The following ZDHHC14 variants were observed in gnomAD, a reference collection of about 807,000 sequenced individuals.
ZDHHC14 encodes the protein zDHHC palmitoyltransferase 14.
A neutral mutation model predicts 47.7 loss-of-function variants in ZDHHC14; 16 were observed. The ratio of observed to expected loss-of-function variants is 0.34; its 90% CI spans 0.23 to 0.51. The LOEUF is 0.51. ZDHHC14 is among the 20% of genes least tolerant of loss of function. The probability of loss-of-function intolerance (pLI) is 0.97; values close to 1 mark genes in which losing one functional copy is unlikely to be tolerated. For missense variants in ZDHHC14, 515 were observed against 662.5 expected, an observed-to-expected ratio of 0.78 and a Z score of 2.44; for synonymous variants, 293 against 278.9, an observed-to-expected ratio of 1.05 and a Z score of -0.50.
intron 1 of ZDHHC14, among the ~76,000 whole-genome samples, chr6:157,439,926 G>A (rs960960144): frequency 2.6e-5 from 4 of 152,006 alleles, no homozygotes; most frequent in South Asian, 2.1e-4. Flanking sequence ...ACCGAACACC[G>A]CATGTTCTCA....
In ZDHHC14 at chr6:157,516,318, G is replaced by T. The variant is rs147772196; in HGVS notation, c.246-26267G>T. Among the ~76,000 whole-genome samples the T allele has an allele frequency of 1.6e-3, 239 of 152,264 alleles. 1 individual carries two copies. Among genetic ancestry groups the T allele is most frequent in the African/African-American group, 5.3e-3 (219 of 41,550 alleles). On this transcript the variant is annotated intron_variant, in intron 1 of 8. Coordinates refer to ENST00000359775, the MANE Select transcript of ZDHHC14 (RefSeq NM_024630.3). ...GCTGTGAACATCCGTATATAGCATTGTGATAAATCAACCGTGTTTTTAATT... is the reference window on the plus strand; with the variant it reads ...GCTGTGAACATCCGTATATAGCATTTTGATAAATCAACCGTGTTTTTAATT...
intron 1 of ZDHHC14, among the ~76,000 whole-genome samples, chr6:157,482,260 C>CTTTTTTT (rs1231434907): frequency 1.3e-4 from 16 of 127,532 alleles, no homozygotes; most frequent in Non-Finnish European, 2.1e-4. Flanking sequence ...CTTTTCTTTT[C>CTTTTTTT]TTTTTTTTTT....
At chr6:157,564,055 G>A (rs1485540440) in intron 2 of ZDHHC14, among the ~76,000 whole-genome samples, 1 of 152,172 alleles carries the variant, frequency 6.6e-6, no homozygotes, top group Non-Finnish European at 1.5e-5. Context: ...AAACTGGGCT[G>A]GAAATTCAAA....
chr6:157,577,096 T>C (rs555569549), intron 2 of ZDHHC14, among the ~76,000 whole-genome samples: 1 of 152,338 alleles, frequency 6.6e-6, no homozygotes, highest in Admixed American at 6.5e-5. Flanking sequence ...CTCCCACTTG[T>C]AAGTGAAAAC....
intron 1 of ZDHHC14, among the ~76,000 whole-genome samples, chr6:157,445,968 GA>G (rs1281710209): frequency 2.6e-5 from 4 of 152,226 alleles, no homozygotes; most frequent in Admixed American, 6.5e-5. Flanking sequence ...TGCTGACCCA[GA>G]AGGGTGAGTC....
intron 1 of ZDHHC14, among the ~76,000 whole-genome samples, chr6:157,481,798 A>T (rs1283328595): frequency 3.3e-5 from 5 of 152,202 alleles, no homozygotes. Flanking sequence ...GATAGCACCG[A>T]TGCTTAGAAT....
chr6:157,612,282 C>T (rs911236786), intron 3 of ZDHHC14, among the ~76,000 whole-genome samples: 4 of 152,204 alleles, frequency 2.6e-5, no homozygotes, highest in African/African-American at 4.8e-5. Flanking sequence ...GGACACCCAC[C>T]ATCCACTCTG....
At chr6:157,607,393 AAAAC>A (rs548546278) in intron 3 of ZDHHC14, among the ~76,000 whole-genome samples, 70 of 152,252 alleles carry the variant, frequency 4.6e-4, no homozygotes, top group African/African-American at 7.7e-4. Context: ...CTCTTTTTTT[AAAAC>A]AAACAAACAA....
chr6:157,607,049 C>CA (rs1784564180), intron 3 of ZDHHC14, among the ~76,000 whole-genome samples: 1 of 84,668 alleles, frequency 1.2e-5, no homozygotes, highest in Non-Finnish European at 2.4e-5. Flanking sequence ...TTAGCATATT[C>CA]GAAGTATGTA....
At chr6:157,557,185 G>A (rs996890119) in intron 2 of ZDHHC14, among the ~76,000 whole-genome samples, 9 of 152,162 alleles carry the variant, frequency 5.9e-5, no homozygotes, top group African/African-American at 1.9e-4. Context: ...TTGCACCTGC[G>A]GGCCTAGCAC....
chr6:157,471,821 A>G (rs183048), intron 1 of ZDHHC14, among the ~76,000 whole-genome samples: 126,171 of 152,180 alleles, frequency 0.83, 52,729 homozygotes, highest in East Asian at 0.92. Context: ...TCCCTCCTCT[A>G]TGAAGTGGGG....
chr6:157,384,822 A>C (rs1175989932), intron 1 of ZDHHC14, among the ~76,000 whole-genome samples: 1 of 152,232 alleles, frequency 6.6e-6, no homozygotes, highest in Non-Finnish European at 1.5e-5. Flanking sequence ...GCCAATCCCT[A>C]AGCGAGATCC....
intron 4 of ZDHHC14, chr6:157,630,903 T>TAC (rs77026601): frequency 0.45 from 66,538 of 147,088 alleles, 15,415 homozygotes; most frequent in East Asian, 0.86. Context: ...TACCCACATT[T>TAC]ACACACTCAT....
At chr6:157,654,935 A>T (rs1778017566) in intron 8 of ZDHHC14, among the ~76,000 whole-genome samples, 1 of 152,022 alleles carries the variant, frequency 6.6e-6, no homozygotes, top group Admixed American at 6.5e-5. Context: ...GGGCTTCGCT[A>T]TGTTGGCCAG....
chr6:157,590,350 A>G (rs1369936303), intron 2 of ZDHHC14, among the ~76,000 whole-genome samples: 1 of 152,140 alleles, frequency 6.6e-6, no homozygotes, highest in African/African-American at 2.4e-5. Context: ...GTCTAGGAGG[A>G]AAAAATGGTT....
chr6:157,386,858 G>A (rs1263368694), intron 1 of ZDHHC14, among the ~76,000 whole-genome samples: 1 of 152,174 alleles, frequency 6.6e-6, no homozygotes, highest in African/African-American at 2.4e-5. Flanking sequence ...CATACAGCCT[G>A]CTTTTGTTTA....
At chr6:157,389,740 A>G (rs1394711247) in intron 1 of ZDHHC14, among the ~76,000 whole-genome samples, 2 of 152,200 alleles carry the variant, frequency 1.3e-5, no homozygotes, top group Non-Finnish European at 2.9e-5. Context: ...AAATAATGCA[A>G]GAAATAGAAA....
chr6:157,426,403 T>A (rs569472649), intron 1 of ZDHHC14, among the ~76,000 whole-genome samples: 1 of 152,288 alleles, frequency 6.6e-6, no homozygotes, highest in Non-Finnish European at 1.5e-5. Context: ...TCAACAGTCA[T>A]TTATGGAATG....
intron 1 of ZDHHC14, among the ~76,000 whole-genome samples, chr6:157,406,591 T>C (rs1188923810): frequency 6.6e-6 from 1 of 152,226 alleles, no homozygotes; most frequent in African/African-American, 2.4e-5. Context: ...CAGGTAAATG[T>C]AAGAAAGTCA....
Sources: gnomAD v4.1 joint callset for allele counts (sites outside exome capture counted in the v4.1 genomes callset) on GRCh38, gnomAD v4.1.1 for gene constraint, MANE v1.5 for transcripts, NCBI Gene and HGNC (gene_info 2026-07-23, HGNC 2026-07-21) for gene names.